Variants in DTNB observed in about 807,000 individuals in gnomAD.
DTNB encodes the protein DTN-B.
Under a neutral mutation model 90.7 loss-of-function variants are expected in DTNB, and 63 were observed. That is an observed-to-expected ratio of 0.69 (90% CI 0.57 to 0.86). The LOEUF (loss-of-function observed/expected upper bound fraction) is 0.86, where lower values mean the gene tolerates loss of function less well. Among genes scored for constraint, DTNB ranks in the 40% least tolerant of loss-of-function variants. DTNB has a pLI of 0.00. For missense variants in DTNB, 744 were observed against 807.1 expected (o/e 0.92, Z 0.95); for synonymous variants, 277 against 286.7 (o/e 0.97, Z 0.34).
chr2:25,397,253 G>A (rs544328825), intron 16 of DTNB, among the ~76,000 whole-genome samples: 92 of 151,316 alleles, frequency 6.1e-4, no homozygotes, highest in African/African-American at 2.0e-3. Context: ...GAGAAGAATT[G>A]CTTGAATCTG....
At chr2:25,604,647 C>A (rs530881467) in intron 5 of DTNB, among the ~76,000 whole-genome samples, 2 of 152,284 alleles carry the variant, frequency 1.3e-5, no homozygotes, top group African/African-American at 4.8e-5. Context: ...GGCTAGAGTG[C>A]AGTGGCATGC....
chr2:25,609,775 G>A (rs555194085), intron 4 of DTNB, among the ~76,000 whole-genome samples: 56 of 151,522 alleles, frequency 3.7e-4, no homozygotes, highest in African/African-American at 1.1e-3. Context: ...AGGGTGGGGC[G>A]TTGACACTGG....
At chr2:25,529,610 C>T (rs757674886) in intron 9 of DTNB, among the ~76,000 whole-genome samples, 4 of 151,790 alleles carry the variant, frequency 2.6e-5, no homozygotes, top group South Asian at 2.1e-4. Context: ...AATGAGAAAC[C>T]GCAGGAAAAA....
intron 9 of DTNB, among the ~76,000 whole-genome samples, chr2:25,502,880 TAAA>T (rs776792939): frequency 2.0e-4 from 16 of 79,518 alleles, no homozygotes; most frequent in African/African-American, 6.6e-4. Flanking sequence ...AGCAACTGTC[TAAA>T]AAAAAAAAAA....
intron 5 of DTNB, among the ~76,000 whole-genome samples, chr2:25,600,552 A>G (rs1472837859): frequency 6.6e-6 from 1 of 152,228 alleles, no homozygotes; most frequent in East Asian, 1.9e-4. Flanking sequence ...ATAAATCCCA[A>G]TCTGCTTAAG....
Position 25,432,959 on chromosome 2 carries a change from C to A in DTNB, c.1384G>T (p.Glu462Ter), listed in dbSNP as rs777533811. The change falls in exon 14 of 21, where the codon GAG becomes TAG. Residue 462 changes from glutamate (E) to a stop codon, truncating the protein, a stop_gained. Transcript: ENST00000406818. LOFTEE classifies it high-confidence loss of function. ...TCAGGGGTGGGCTGGGAGGCCTGCT[C>A]GTGTTCCAGGCGGAGACGCTGAATC... ...QEIQRLRLEH[E>*]QASQPTPEKA... 6.2e-7 allele frequency: 1 copy of A among 1,610,882 alleles called. No individual in the cohort carries two copies.
chr2:25,384,208 C>G (rs1236352497), intron 18 of DTNB, among the ~76,000 whole-genome samples: 1 of 152,066 alleles, frequency 6.6e-6, no homozygotes, highest in Non-Finnish European at 1.5e-5. Flanking sequence ...GTGGTGATGA[C>G]CAGGGAGACA....
At chr2:25,386,221 G>T in intron 18 of DTNB, 1 of 563,376 alleles carries the variant, frequency 1.8e-6, no homozygotes. Context: ...ATGAAAACAG[G>T]CAGACTTGAG....
At chr2:25,611,615 G>A (rs2068639085) in intron 4 of DTNB, among the ~76,000 whole-genome samples, 2 of 152,110 alleles carry the variant, frequency 1.3e-5, no homozygotes, top group Non-Finnish European at 2.9e-5. Context: ...TAATCTAGAG[G>A]GAAAAGCACA....
chr2:25,419,088 G>A (rs1399043273), intron 16 of DTNB: 3 of 169,912 alleles, frequency 1.8e-5, no homozygotes, highest in Admixed American at 5.8e-5. Flanking sequence ...AAGCCTAGTC[G>A]AGACTGCAGG....
At chr2:25,524,670 G>C (rs1310666195) in intron 9 of DTNB, among the ~76,000 whole-genome samples, 1 of 152,076 alleles carries the variant, frequency 6.6e-6, no homozygotes, top group Non-Finnish European at 1.5e-5. Context: ...AAGCACAGAA[G>C]AATGGCTCTG....
chr2:25,606,685 G>A (rs184798809), intron 5 of DTNB, among the ~76,000 whole-genome samples: 52 of 152,044 alleles, frequency 3.4e-4, no homozygotes, highest in Non-Finnish European at 8.8e-5. Context: ...CCTTCTTATA[G>A]TATCTAATGA....
chr2:25,545,984 T>G (rs1201153822), intron 8 of DTNB, among the ~76,000 whole-genome samples: 2 of 152,190 alleles, frequency 1.3e-5, no homozygotes, highest in Non-Finnish European at 2.9e-5. Flanking sequence ...GAATCCTGAG[T>G]GGCAAATGGC....
In DTNB at chr2:25,388,406, C is replaced by T. The variant is rs189585631; in HGVS notation, c.1576-45G>A. 226 of 1,552,998 alleles carry T rather than the reference C, an allele frequency of 1.5e-4. No individual in the cohort carries two copies. In the African/African-American group the frequency reaches 2.7e-3, roughly 18 times the overall value. ...AAATACGTTATCTCAAGTACCTGACCTCTTTGAGGAAGGAAGAAAGTACTT... is the reference window on the plus strand; with the variant it reads ...AAATACGTTATCTCAAGTACCTGACTTCTTTGAGGAAGGAAGAAAGTACTT... On this transcript the variant is annotated intron_variant, in intron 16 of 20. Coordinates refer to ENST00000406818, the MANE Select transcript of DTNB (RefSeq NM_021907.5).
chr2:25,449,235 A>C (rs1261402269), intron 12 of DTNB, among the ~76,000 whole-genome samples: 4 of 152,186 alleles, frequency 2.6e-5, no homozygotes, highest in African/African-American at 9.6e-5. Context: ...TTGTTTATCT[A>C]TTCTGTTGAT....
chr2:25,486,183 C>G (rs1359428743), intron 9 of DTNB, among the ~76,000 whole-genome samples: 1 of 152,042 alleles, frequency 6.6e-6, no homozygotes, highest in Non-Finnish European at 1.5e-5. Context: ...AGCCTGCTGG[C>G]TGGGCACAGT....
At chr2:25,395,389 A>T (rs2042118448) in intron 16 of DTNB, among the ~76,000 whole-genome samples, 1 of 152,052 alleles carries the variant, frequency 6.6e-6, no homozygotes, top group South Asian at 2.1e-4. Context: ...TAAAAAAATT[A>T]AAAAATTTAA....
intron 2 of DTNB, among the ~76,000 whole-genome samples, chr2:25,644,346 C>T (rs1402447828): frequency 3.3e-5 from 5 of 151,866 alleles, no homozygotes; most frequent in African/African-American, 1.2e-4. Flanking sequence ...GTTTAAAATG[C>T]AATGCAAATG....
Position 25,628,148 on chromosome 2 carries a change from G to A in DTNB, c.362+23C>T, listed in dbSNP as rs770961109. On this transcript the variant is annotated intron_variant, in intron 4 of 20. Transcript: ENST00000406818. ...CAGGTGTTCTTAAAATGAAGTAAGC[G>A]TGTAAGGTAAGGTACTACTAGCCTG... 191 of 1,605,496 alleles carry A rather than the reference G, an allele frequency of 1.2e-4. No homozygotes were observed. In the Admixed American group the frequency reaches 2.8e-3, roughly 24 times the overall value.
Sources: gnomAD v4.1 joint callset for allele counts (sites outside exome capture counted in the v4.1 genomes callset) on GRCh38, gnomAD v4.1.1 for gene constraint, MANE v1.5 for transcripts, NCBI Gene and HGNC (gene_info 2026-07-23, HGNC 2026-07-21) for gene names.